The following NMU variants were observed in gnomAD, a reference collection of about 807,000 sequenced individuals.
NMU encodes neuromedin U, also known as neuromedin-U.
A neutral mutation model predicts 35.4 loss-of-function variants in NMU; 29 were observed. The ratio of observed to expected loss-of-function variants is 0.82; its 90% CI spans 0.61 to 1.12. NMU has a LOEUF of 1.12. Among genes scored for constraint, NMU ranks in the 50% most tolerant of loss-of-function variants. The probability of loss-of-function intolerance (pLI) is 0.00; values close to 1 mark genes in which losing one functional copy is unlikely to be tolerated. For missense variants in NMU, 199 were observed against 206.2 expected (o/e 0.97, Z 0.21); for synonymous variants, 78 against 81.3 (o/e 0.96, Z 0.22).
chr4:55,599,226 C>T (rs776966269), intron 8 of NMU, 45 bp from the exon 9 acceptor site: 2 of 1,422,116 alleles, frequency 1.4e-6, no homozygotes, highest in Non-Finnish European at 2.0e-6. Flanking sequence ...ACTAAAGATG[C>T]AAGCTAACAG....
intron 7 of NMU, among the ~76,000 whole-genome samples, chr4:55,601,483 T>C (rs577807017): frequency 6.6e-6 from 1 of 152,260 alleles, no homozygotes; most frequent in South Asian, 2.1e-4. Flanking sequence ...TACTTAATTT[T>C]CATCTTTACT....
Position 55,598,206 on chromosome 4 carries a change from C to T in NMU, c.*4+936G>A, listed in dbSNP as rs566776029. 4.2e-3 allele frequency among the ~76,000 whole-genome samples: 628 copies of T among 149,186 alleles called. 1 individual carries two copies. Among genetic ancestry groups the T allele is most frequent in the Non-Finnish European group, 6.6e-3 (445 of 67,476 alleles). Reference sequence around the variant, plus strand: ...TCCTGGGCTCAAGCGATCCTCCCATCTCAGCCTCTGAAGTAGCTAGGACTA... The same window carrying T: ...TCCTGGGCTCAAGCGATCCTCCCATTTCAGCCTCTGAAGTAGCTAGGACTA... On this transcript the variant is annotated intron_variant, in intron 9 of 9. Coordinates refer to ENST00000264218, the MANE Select transcript of NMU (RefSeq NM_006681.4).
rs190585468 is a variant in NMU, at chr4:55,613,692, T to C, written c.219+2646A>G. Among the ~76,000 whole-genome samples the C allele has an allele frequency of 2.4e-3, 364 of 152,258 alleles. 1 individual carries two copies. The highest frequency in any genetic ancestry group is 3.9e-3 in the Non-Finnish European group (262 of 68,036). ...CCCCCACATTGACTCTTTGTCTTGC[T>C]TTGGCCAGTGAGGCATGAGTAAATA... On this transcript the variant is annotated intron_variant, in intron 3 of 9. Coordinates refer to ENST00000264218, the MANE Select transcript of NMU (RefSeq NM_006681.4).
At chr4:55,603,001 T>C (rs1484594053) in intron 7 of NMU, among the ~76,000 whole-genome samples, 1 of 151,930 alleles carries the variant, frequency 6.6e-6, no homozygotes, top group Non-Finnish European at 1.5e-5. Flanking sequence ...ACTCAACTTC[T>C]TTTTTTTCTT....
intron 2 of NMU, among the ~76,000 whole-genome samples, chr4:55,628,753 G>T (rs1205623085): frequency 6.6e-6 from 1 of 152,062 alleles, no homozygotes; most frequent in East Asian, 1.9e-4. Flanking sequence ...CTCACAAAGT[G>T]CTGGGATTAC....
intron 3 of NMU, among the ~76,000 whole-genome samples, chr4:55,613,096 T>TAA (rs1315689606): frequency 6.6e-6 from 1 of 152,066 alleles, no homozygotes; most frequent in Non-Finnish European, 1.5e-5. Flanking sequence ...AAGTAGGAGC[T>TAA]AAACACGGAT....
Position 55,605,324 on chromosome 4 carries a change from T to C in NMU, c.386A>G (p.Gln129Arg). The C allele has an allele frequency of 6.2e-7, 1 of 1,613,894 alleles. No individual in the cohort carries two copies. The highest frequency in any genetic ancestry group is 8.5e-7 in the Non-Finnish European group (1 of 1,179,756). ...TCTCTCATGCAGGTGAGGAACGAGCTGCAGCAACGGATGCACAACTGACGA... is the reference window on the plus strand; with the variant it reads ...TCTCTCATGCAGGTGAGGAACGAGCCGCAGCAACGGATGCACAACTGACGA... Reference protein sequence around the residue: ...VVSSVVHPLLQLVPHLHERRM... With the variant: ...VVSSVVHPLLRLVPHLHERRM... Residue 129 changes from glutamine to arginine, a missense_variant, in exon 7 of 10, where the codon CAG becomes CGG. Coordinates refer to ENST00000264218, the MANE Select transcript of NMU (RefSeq NM_006681.4).
At chr4:55,628,823 T>A (rs565931115) in intron 2 of NMU, among the ~76,000 whole-genome samples, 2 of 152,248 alleles carry the variant, frequency 1.3e-5, no homozygotes, top group Admixed American at 6.5e-5. Context: ...TGTTTTTTTT[T>A]AATTTTCCCT....
intron 2 of NMU, among the ~76,000 whole-genome samples, chr4:55,620,058 A>T (rs1734323731): frequency 7.0e-6 from 1 of 142,818 alleles, no homozygotes. Flanking sequence ...AACCACAAAG[A>T]TGGGGAAAAA....
intron 2 of NMU, among the ~76,000 whole-genome samples, chr4:55,618,882 T>G (rs1734238911): frequency 6.7e-6 from 1 of 149,658 alleles, no homozygotes; most frequent in African/African-American, 2.5e-5. Context: ...CTTTCTCTCT[T>G]TCTTTTTTTT....
chr4:55,636,049 C>A lies in NMU; in HGVS notation c.112+32G>T. The A allele has an allele frequency of 2.6e-6, 4 of 1,532,202 alleles. No individual in the cohort carries two copies. In the South Asian group the frequency reaches 4.8e-5, roughly 18 times the overall value. 94.9% of individuals were successfully genotyped at this position (1,532,202 alleles called of 1,614,324 possible). On this transcript the variant is annotated intron_variant, in intron 1 of 9. Coordinates refer to ENST00000264218, the MANE Select transcript of NMU (RefSeq NM_006681.4). The surrounding 1 kb of genome is among the most constrained non-coding windows in gnomAD (Gnocchi z 4.0). Reference sequence around the variant, plus strand: ...TGGAGCCAGAGAGAGGCGCGCATGGCGTGGAAGCGGCCGGGTGCGGGGCCG... The same window carrying A: ...TGGAGCCAGAGAGAGGCGCGCATGGAGTGGAAGCGGCCGGGTGCGGGGCCG...
At chr4:55,595,623 GTATATATA>G (rs150284330) in intron 9 of NMU, among the ~76,000 whole-genome samples, 1 of 102,178 alleles carries the variant, frequency 9.8e-6, no homozygotes, top group African/African-American at 3.8e-5. Flanking sequence ...GTGTGTGTGT[GTATATATA>G]TATATATATA....
At chr4:55,619,943 C>A (rs1046993073) in intron 2 of NMU, among the ~76,000 whole-genome samples, 3 of 145,550 alleles carry the variant, frequency 2.1e-5, no homozygotes, top group South Asian at 4.7e-4. Context: ...AACAGACCTG[C>A]AGCTGAGGGC....
Position 55,607,356 on chromosome 4 carries a change from A to G in NMU, c.310-8T>C, listed in dbSNP as rs774303132. On this transcript the variant is annotated splice_region_variant and splice_polypyrimidine_tract_variant and intron_variant, in intron 5 of 9. Transcript: ENST00000264218. Reference sequence around the variant, plus strand: ...CGAATAATGAAATAAGAACTGTTTAAAAAAAGCAGTAAGTTTTACTATAAA... The same window carrying G: ...CGAATAATGAAATAAGAACTGTTTAGAAAAAGCAGTAAGTTTTACTATAAA... 3.1e-6 allele frequency: 5 copies of G among 1,593,122 alleles called. No individual in the cohort carries two copies. In the Admixed American group the frequency reaches 6.7e-5, roughly 21 times the overall value.
In NMU at chr4:55,618,458, G is replaced by A. The variant is rs542990220; in HGVS notation, c.172-2073C>T. 2.0e-5 allele frequency among the ~76,000 whole-genome samples: 3 copies of A among 152,168 alleles called. No homozygotes were observed. In the South Asian group the frequency reaches 6.2e-4, roughly 32 times the overall value. ...CATTGTTCAACTCCCACTTACGAGT[G>A]AGAAATTGTGTTTGGTTTTCTGTTC... On this transcript the variant is annotated intron_variant, in intron 2 of 9. Coordinates refer to ENST00000264218, the MANE Select transcript of NMU (RefSeq NM_006681.4).
At chr4:55,619,592 G>A (rs1258336437) in intron 2 of NMU, among the ~76,000 whole-genome samples, 1 of 135,416 alleles carries the variant, frequency 7.4e-6, no homozygotes, top group Non-Finnish European at 1.6e-5. Flanking sequence ...TGGGGGAGGG[G>A]CGCCCGCCAT....
chr4:55,633,409 TG>T (rs1329759017), intron 1 of NMU, among the ~76,000 whole-genome samples: 1 of 152,266 alleles, frequency 6.6e-6, no homozygotes, highest in East Asian at 1.9e-4. Context: ...TCTTTTTTTT[TG>T]TCTATGTGTT....
In NMU at chr4:55,608,347, T is replaced by A. The variant is rs564078935; in HGVS notation, c.279+773A>T. On this transcript the variant is annotated intron_variant, in intron 4 of 9. Coordinates refer to ENST00000264218, the MANE Select transcript of NMU (RefSeq NM_006681.4). Reference sequence around the variant, plus strand: ...TGGACAATGTCACCATTAGAAACAATGGATAAATATACAATTTCAGGCAGA... The same window carrying A: ...TGGACAATGTCACCATTAGAAACAAAGGATAAATATACAATTTCAGGCAGA... Among the ~76,000 whole-genome samples the A allele has an allele frequency of 1.4e-4, 22 of 152,222 alleles. 1 individual carries two copies. Among genetic ancestry groups the A allele is most frequent in the Admixed American group, 1.3e-3 (20 of 15,292 alleles).
At chr4:55,616,480 C>T (rs1448319271) in intron 2 of NMU, 95 bp from the exon 3 acceptor site, 6 of 911,700 alleles carry the variant, frequency 6.6e-6, no homozygotes, top group Middle Eastern at 2.7e-4. Flanking sequence ...GGAACATTAA[C>T]CACAGTTCCA....
Sources: gnomAD v4.1 joint callset for allele counts (sites outside exome capture counted in the v4.1 genomes callset) on GRCh38, gnomAD v4.1.1 for gene constraint, Gnocchi (gnomAD v3.1) non-coding constraint, MANE v1.5 for transcripts, NCBI Gene and HGNC (gene_info 2026-07-23, HGNC 2026-07-21) for gene names.